EPC2: variants seen among roughly 807,000 people sequenced by gnomAD.
The protein encoded by EPC2 is enhancer of polycomb homolog 2.
A neutral mutation model predicts 92.1 loss-of-function variants in EPC2; 14 were observed. The ratio of observed to expected loss-of-function variants is 0.15; its 90% CI spans 0.10 to 0.24. EPC2 has a LOEUF of 0.24. Among genes scored for constraint, EPC2 ranks in the 10% least tolerant of loss-of-function variants. The pLI is 1.00. For synonymous variants in EPC2, 340 were observed against 334.7 expected, an observed-to-expected ratio of 1.02 and a Z score of -0.17; for missense variants, 755 against 971.5, an observed-to-expected ratio of 0.78 and a Z score of 2.96.
intron 3 of EPC2, among the ~76,000 whole-genome samples, chr2:148,751,357 A>G (rs1683080407): frequency 6.6e-6 from 1 of 152,092 alleles, no homozygotes; most frequent in Non-Finnish European, 1.5e-5. Flanking sequence ...CCTATATGGT[A>G]GGATAATTTT....
intron 3 of EPC2, among the ~76,000 whole-genome samples, chr2:148,749,952 CA>C (rs1427724931): frequency 6.6e-6 from 1 of 152,000 alleles, no homozygotes; most frequent in African/African-American, 2.4e-5. Context: ...ATTAAAAGAT[CA>C]GGGGGTCATT....
chr2:148,646,807 G>A (rs1300874967), intron 1 of EPC2, among the ~76,000 whole-genome samples: 1 of 151,932 alleles, frequency 6.6e-6, no homozygotes, highest in Non-Finnish European at 1.5e-5. Context: ...TATTATTTTA[G>A]AACTTGAGTC....
At chr2:148,726,765 G>GTTTTTTTTTTTTTTTTGTTTTTTTTTT (rs201293391) in intron 2 of EPC2, among the ~76,000 whole-genome samples, 3 of 100,608 alleles carry the variant, frequency 3.0e-5, no homozygotes, top group East Asian at 3.1e-4. Context: ...TTTGTTTTTT[G>GTTTTTTTTTTTTTTTTGTTTTTTTTTT]TTTTTTTTTT....
At chr2:148,775,982 T>C (rs570090396) in intron 10 of EPC2, among the ~76,000 whole-genome samples, 82 of 151,896 alleles carry the variant, frequency 5.4e-4, no homozygotes, top group Admixed American at 1.2e-3. Context: ...AGGGTTTCAC[T>C]GTGTTAGCCA....
At chr2:148,652,976 G>A (rs1245349310) in intron 1 of EPC2, among the ~76,000 whole-genome samples, 2 of 152,116 alleles carry the variant, frequency 1.3e-5, no homozygotes, top group East Asian at 3.9e-4. Flanking sequence ...TAATTTTCTA[G>A]TATCATTTTT....
At chr2:148,656,555 C>A (rs923603552) in intron 1 of EPC2, among the ~76,000 whole-genome samples, 2 of 152,200 alleles carry the variant, frequency 1.3e-5, no homozygotes, top group Admixed American at 6.5e-5. Flanking sequence ...ATGGACTGCA[C>A]TGTCTCCTAC....
chr2:148,669,514 A>G (rs1681113571), intron 1 of EPC2, among the ~76,000 whole-genome samples: 1 of 152,104 alleles, frequency 6.6e-6, no homozygotes, highest in Non-Finnish European at 1.5e-5. Context: ...CTGTCTCTAC[A>G]AAAGAGAAAT....
chr2:148,706,159 G>A (rs554549345), intron 2 of EPC2, among the ~76,000 whole-genome samples: 34 of 152,296 alleles, frequency 2.2e-4, no homozygotes, highest in South Asian at 1.7e-3. Flanking sequence ...GACCTTAAAT[G>A]ACCTGATGGA....
At chr2:148,761,174 C>T (rs1258949767) in intron 4 of EPC2, among the ~76,000 whole-genome samples, 1 of 152,092 alleles carries the variant, frequency 6.6e-6, no homozygotes, top group Non-Finnish European at 1.5e-5. Flanking sequence ...AGTATTTTTG[C>T]TAAATCTCTT....
intron 2 of EPC2, 63 bp from the exon 3 acceptor site, chr2:148,743,559 T>G: frequency 1.5e-6 from 2 of 1,335,038 alleles, no homozygotes; most frequent in Non-Finnish European, 2.0e-6. Flanking sequence ...CAGTCAAATA[T>G]GATGAACAAT....
At chr2:148,773,417 T>A (rs1385859175) in intron 10 of EPC2, among the ~76,000 whole-genome samples, 2 of 152,154 alleles carry the variant, frequency 1.3e-5, no homozygotes, top group Non-Finnish European at 2.9e-5. Flanking sequence ...TATCTAAAAT[T>A]TTTTAATATC....
chr2:148,704,999 C>T (rs1681964049), intron 2 of EPC2, among the ~76,000 whole-genome samples: 1 of 151,358 alleles, frequency 6.6e-6, no homozygotes, highest in Non-Finnish European at 1.5e-5. Context: ...GTCAGCAAAC[C>T]ATCAGCTTCA....
At chr2:148,671,910 C>A (rs1681163107) in intron 1 of EPC2, among the ~76,000 whole-genome samples, 2 of 151,738 alleles carry the variant, frequency 1.3e-5, no homozygotes, top group African/African-American at 4.8e-5. Context: ...AAATTGAAAA[C>A]CTTTTTGTTT....
intron 1 of EPC2, among the ~76,000 whole-genome samples, chr2:148,667,557 T>C (rs1681079014): frequency 6.6e-6 from 1 of 152,204 alleles, no homozygotes; most frequent in South Asian, 2.1e-4. Context: ...TAGAGGATCA[T>C]GTGGTCTGTG....
intron 2 of EPC2, among the ~76,000 whole-genome samples, chr2:148,695,939 A>C (rs1427474548): frequency 6.6e-6 from 1 of 152,234 alleles, no homozygotes; most frequent in Non-Finnish European, 1.5e-5. Flanking sequence ...AGGTGATTAG[A>C]AGGGACAGGG....
At chr2:148,756,048 T>A (rs1195990472) in intron 4 of EPC2, among the ~76,000 whole-genome samples, 1 of 152,228 alleles carries the variant, frequency 6.6e-6, no homozygotes, top group East Asian at 1.9e-4. Context: ...TTTATTGGCA[T>A]ATTGACAATA....
At chr2:148,697,386 A>G (rs1367858320) in intron 2 of EPC2, among the ~76,000 whole-genome samples, 1 of 152,108 alleles carries the variant, frequency 6.6e-6, no homozygotes, top group Non-Finnish European at 1.5e-5. Context: ...GACGTGTATA[A>G]CTGTGATGAT....
rs764780426 is a variant in EPC2 at position 148,770,795 on chromosome 2, C to T, written c.1234C>T (p.Arg412Cys). ...RRAGCQYYAPRLDQANHSCEN... is the reference protein window; with the variant it reads ...RRAGCQYYAPCLDQANHSCEN... ...TTTGTTTTTTCTTTCTTTGCAGCCT[C>T]GTTTGGACCAAGCTAACCATTCATG... Residue 412 changes from arginine (R) to cysteine (C), a missense_variant, in exon 9 of 14, where the codon CGT (arginine) becomes TGT (cysteine). Transcript: ENST00000258484. 2.6e-5 allele frequency: 42 copies of T among 1,605,198 alleles called. 1 individual carries two copies. In the South Asian group the frequency reaches 3.4e-4, roughly 13 times the overall value.
At chr2:148,711,896 A>T (rs566728232) in intron 2 of EPC2, among the ~76,000 whole-genome samples, 2 of 152,004 alleles carry the variant, frequency 1.3e-5, no homozygotes, top group South Asian at 4.2e-4. Flanking sequence ...GATTATAGGT[A>T]CTCTGGCTTT....
Sources: gnomAD v4.1 joint callset for allele counts (sites outside exome capture counted in the v4.1 genomes callset) on GRCh38, gnomAD v4.1.1 for gene constraint, MANE v1.5 for transcripts, NCBI Gene and HGNC (gene_info 2026-07-23, HGNC 2026-07-21) for gene names.